Variants in ABCC9 observed in about 807,000 individuals in gnomAD.
ABCC9 encodes ATP-binding cassette sub-family C member 9.
A neutral mutation model predicts 188.3 loss-of-function variants in ABCC9; 95 were observed. That is an observed-to-expected ratio of 0.50 (90% CI 0.43 to 0.60). ABCC9 has a LOEUF of 0.60. ABCC9 is among the 20% of genes least tolerant of loss of function. The probability of loss-of-function intolerance (pLI) is 0.00; values close to 1 mark genes in which losing one functional copy is unlikely to be tolerated. For missense variants in ABCC9, 1,102 were observed against 1,876.3 expected, an observed-to-expected ratio of 0.59 and a Z score of 7.62; for synonymous variants, 659 against 652.7, an observed-to-expected ratio of 1.01 and a Z score of -0.15.
chr12:21,819,428 A>C (rs1942891356), intron 31 of ABCC9, among the ~76,000 whole-genome samples: 1 of 152,168 alleles, frequency 6.6e-6, no homozygotes, highest in Admixed American at 6.6e-5. Context: ...ACATGTGTAC[A>C]TTCCTGTCTC....
chr12:21,884,227 C>A (rs1946767893), intron 15 of ABCC9, among the ~76,000 whole-genome samples: 1 of 151,880 alleles, frequency 6.6e-6, no homozygotes, highest in Non-Finnish European at 1.5e-5. Context: ...GCATTTGCCA[C>A]CATGCCTGGC....
chr12:21,806,992 A>G (rs543586564), intron 38 of ABCC9, among the ~76,000 whole-genome samples: 1 of 152,314 alleles, frequency 6.6e-6, no homozygotes, highest in African/African-American at 2.4e-5. Context: ...AATAGATTCT[A>G]TTAAACAGAG....
intron 8 of ABCC9, among the ~76,000 whole-genome samples, chr12:21,911,959 G>A (rs904444936): frequency 1.1e-4 from 17 of 151,908 alleles, no homozygotes; most frequent in Non-Finnish European, 1.5e-4. Flanking sequence ...ATGGCTCACC[G>A]TAATTGTTTC....
At chr12:21,829,932 G>T (rs944061597) in intron 30 of ABCC9, among the ~76,000 whole-genome samples, 2 of 152,042 alleles carry the variant, frequency 1.3e-5, no homozygotes, top group Non-Finnish European at 2.9e-5. Context: ...AAAAAAACTG[G>T]GGTGGCAACA....
chr12:21,827,305 C>T, intron 31 of ABCC9: 1 of 985,290 alleles, frequency 1.0e-6, no homozygotes, highest in Non-Finnish European at 1.2e-6. Flanking sequence ...AATCTGACAG[C>T]AGGAAGTGCT....
chr12:21,822,077 A>G (rs1943069464), intron 31 of ABCC9, among the ~76,000 whole-genome samples: 1 of 152,158 alleles, frequency 6.6e-6, no homozygotes, highest in East Asian at 1.9e-4. Flanking sequence ...GGTACATTTT[A>G]TAGCAAAAAT....
intron 30 of ABCC9, 44 bp downstream of exon 30, chr12:21,838,034 G>T: frequency 7.2e-7 from 1 of 1,388,816 alleles, no homozygotes; most frequent in Non-Finnish European, 1.0e-6. Context: ...ATTTGTTGAT[G>T]ATGTTATTGC....
rs536708460 is a variant in ABCC9 at position 21,915,577 on chromosome 12, A to G, written c.816+91T>C. The G allele has an allele frequency of 1.3e-4, 180 of 1,437,288 alleles. 1 individual carries two copies. The Admixed American group carries it at 3.0e-3, about 24-fold the overall frequency. The allele number at this position is 1,437,288 out of a possible 1,614,324, so 89.0% of individuals were successfully genotyped here. On this transcript the variant is annotated intron_variant, in intron 7 of 39. Transcript: ENST00000261200. Reference sequence around the variant, plus strand: ...ACCCCGGCTGGAGTGCAGTGGCCCAATCCTGGCTCACTGCAAGCTCTGCCT... The same window carrying G: ...ACCCCGGCTGGAGTGCAGTGGCCCAGTCCTGGCTCACTGCAAGCTCTGCCT...
intron 29 of ABCC9, among the ~76,000 whole-genome samples, chr12:21,840,293 C>G (rs765191659): frequency 2.0e-5 from 3 of 152,180 alleles, no homozygotes; most frequent in African/African-American, 7.2e-5. Flanking sequence ...AGAACCTCAA[C>G]ATCTAGAAGG....
chr12:21,805,213 C>A, intron 39 of ABCC9: 1 of 1,614,006 alleles, frequency 6.2e-7, no homozygotes, highest in Non-Finnish European at 8.5e-7. Context: ...AGAGGCCATT[C>A]TTGTGGGCGA....
intron 26 of ABCC9, 50 bp from the exon 27 acceptor site, chr12:21,844,965 C>T (rs2137389710): frequency 1.9e-6 from 3 of 1,598,268 alleles, no homozygotes; most frequent in Non-Finnish European, 2.6e-6. Context: ...CAATGGAGTT[C>T]TTTCTTACTA....
chr12:21,848,352 A>C (rs1944791086), intron 24 of ABCC9, 106 bp from the exon 25 acceptor site: 19 of 966,498 alleles, frequency 2.0e-5, no homozygotes, highest in Admixed American at 3.8e-5. Flanking sequence ...TACCAATCTC[A>C]AGCGCTCTGT....
intron 5 of ABCC9, among the ~76,000 whole-genome samples, chr12:21,921,868 A>G (rs1948832676): frequency 6.6e-6 from 1 of 152,026 alleles, no homozygotes; most frequent in Non-Finnish European, 1.5e-5. Flanking sequence ...TTTTTAAAAG[A>G]TAACTTCACT....
intron 14 of ABCC9, among the ~76,000 whole-genome samples, chr12:21,893,115 A>G (rs1947246783): frequency 6.6e-6 from 1 of 152,192 alleles, no homozygotes; most frequent in Non-Finnish European, 1.5e-5. Context: ...AGCATAAGAC[A>G]TATAGACTGT....
intron 14 of ABCC9, 112 bp downstream of exon 14, chr12:21,893,920 G>C (rs1947285969): frequency 9.5e-7 from 1 of 1,052,812 alleles, no homozygotes; most frequent in Non-Finnish European, 1.4e-6. Flanking sequence ...AACAATGGTT[G>C]TCTCCTGGCA....
At chr12:21,894,307 A>G in intron 13 of ABCC9, 133 bp from the exon 14 acceptor site, 1 of 1,033,360 alleles carries the variant, frequency 9.7e-7, no homozygotes, top group South Asian at 1.3e-5. Flanking sequence ...GACTTCATCC[A>G]AAACTCCCTA....
chr12:21,894,727 C>T (rs1474146321), intron 13 of ABCC9, among the ~76,000 whole-genome samples: 1 of 152,152 alleles, frequency 6.6e-6, no homozygotes, highest in Non-Finnish European at 1.5e-5. Flanking sequence ...CCTCCCACCT[C>T]AGCCTCCCAG....
intron 31 of ABCC9, among the ~76,000 whole-genome samples, chr12:21,820,212 C>G (rs1459504801): frequency 2.0e-5 from 3 of 151,644 alleles, no homozygotes; most frequent in Non-Finnish European, 4.4e-5. Flanking sequence ...AAATTAGTAC[C>G]AGAAAATCCT....
intron 16 of ABCC9, among the ~76,000 whole-genome samples, chr12:21,879,447 G>A (rs1466081599): frequency 6.6e-6 from 1 of 152,136 alleles, no homozygotes; most frequent in East Asian, 1.9e-4. Flanking sequence ...GGGGCAAGGC[G>A]AGTGGGAAAT....
Sources: gnomAD v4.1 joint callset for allele counts (sites outside exome capture counted in the v4.1 genomes callset) on GRCh38, gnomAD v4.1.1 for gene constraint, MANE v1.5 for transcripts, NCBI Gene and HGNC (gene_info 2026-07-23, HGNC 2026-07-21) for gene names.